The following WWOX variants were observed in gnomAD, a reference collection of about 807,000 sequenced individuals.
WWOX encodes the protein WW domain containing oxidoreductase.
Under a neutral mutation model 46.2 loss-of-function variants are expected in WWOX, and 69 were observed. The ratio of observed to expected loss-of-function variants is 1.49; its 90% confidence interval spans 1.23 to 1.82. The LOEUF (loss-of-function observed/expected upper bound fraction) is 1.82, where lower values mean the gene tolerates loss of function less well. Ranked by LOEUF, WWOX falls within the 40% of genes most tolerant of loss-of-function variation. The pLI is 0.00. For synonymous variants in WWOX, 359 were observed against 202.6 expected (o/e 1.77, Z -6.56); for missense variants, 919 against 542.6 (o/e 1.69, Z -6.89).
chr16:78,543,442 T>C (rs1382412975), intron 8 of WWOX, among the ~76,000 whole-genome samples: 1 of 152,196 alleles, frequency 6.6e-6, no homozygotes, highest in East Asian at 1.9e-4. Flanking sequence ...TATTGTTGGT[T>C]GATAAAGTCA....
intron 8 of WWOX, among the ~76,000 whole-genome samples, chr16:78,489,558 A>T (rs1044404841): frequency 1.3e-5 from 2 of 152,128 alleles, no homozygotes; most frequent in Non-Finnish European, 2.9e-5. Context: ...CGTAACACAA[A>T]TGTTACATGT....
Position 79,076,717 on chromosome 16 carries a change from T to C in WWOX, c.1057-134891T>C, listed in dbSNP as rs548646803. On this transcript the variant is annotated intron_variant, in intron 8 of 8. Transcript: ENST00000566780. ...TCTTTAGCCCCCCACTTAGGTGTTATGTGACTGTGGTCGGGTTATTGGTAA... is the reference window on the plus strand; with the variant it reads ...TCTTTAGCCCCCCACTTAGGTGTTACGTGACTGTGGTCGGGTTATTGGTAA... 6.6e-5 allele frequency among the ~76,000 whole-genome samples: 10 copies of C among 152,354 alleles called. No homozygotes were observed. In the South Asian group the frequency reaches 1.9e-3, roughly 28 times the overall value.
intron 8 of WWOX, among the ~76,000 whole-genome samples, chr16:79,151,942 T>C (rs1567584518): frequency 2.0e-5 from 3 of 152,190 alleles, no homozygotes; most frequent in Non-Finnish European, 2.9e-5. Flanking sequence ...TAGCCGAGGA[T>C]ATCTGGGCTC....
At chr16:79,074,408 C>CTTTT (rs1186773193) in intron 8 of WWOX, among the ~76,000 whole-genome samples, 1 of 63,570 alleles carries the variant, frequency 1.6e-5, no homozygotes. Flanking sequence ...TGTCACTAGT[C>CTTTT]CTTTTTTTTT....
intron 8 of WWOX, among the ~76,000 whole-genome samples, chr16:78,718,915 A>T (rs904401637): frequency 6.6e-6 from 1 of 152,112 alleles, no homozygotes; most frequent in Admixed American, 6.6e-5. Context: ...CTCATGACCT[A>T]AAGAACATGG....
intron 8 of WWOX, among the ~76,000 whole-genome samples, chr16:78,493,995 A>C (rs972684056): frequency 2.0e-5 from 3 of 152,302 alleles, no homozygotes; most frequent in Non-Finnish European, 4.4e-5. Flanking sequence ...GAGACTGGGA[A>C]ATTTATAAAG....
chr16:78,564,374 G>A (rs1435727422), intron 8 of WWOX, among the ~76,000 whole-genome samples: 1 of 152,134 alleles, frequency 6.6e-6, no homozygotes, highest in Admixed American at 6.5e-5. Flanking sequence ...GTGAACCCTC[G>A]CTGATGCCCT....
chr16:78,735,665 T>C (rs2049074070), intron 8 of WWOX, among the ~76,000 whole-genome samples: 1 of 152,180 alleles, frequency 6.6e-6, no homozygotes, highest in Non-Finnish European at 1.5e-5. Flanking sequence ...GGCCTCTTCA[T>C]CTTCTCCTGG....
chr16:78,139,103 T>A (rs186465003), intron 4 of WWOX, among the ~76,000 whole-genome samples: 1 of 152,324 alleles, frequency 6.6e-6, no homozygotes, highest in East Asian at 1.9e-4. Context: ...GGCAAAGTCA[T>A]TGGGTCATGT....
intron 8 of WWOX, among the ~76,000 whole-genome samples, chr16:79,181,643 G>T (rs79465818): frequency 0.021 from 3,230 of 152,164 alleles, 127 homozygotes; most frequent in African/African-American, 0.073. Flanking sequence ...CAGCCTTTGG[G>T]TGGTATCCAG....
At chr16:78,850,038 C>T (rs2052402440) in intron 8 of WWOX, among the ~76,000 whole-genome samples, 1 of 151,774 alleles carries the variant, frequency 6.6e-6, no homozygotes, top group Admixed American at 6.6e-5. Context: ...TGCCATTGCA[C>T]TCCAGCCTGG....
chr16:78,932,575 T>G (rs545805290), intron 8 of WWOX, among the ~76,000 whole-genome samples: 1 of 152,236 alleles, frequency 6.6e-6, no homozygotes, highest in Non-Finnish European at 1.5e-5. Context: ...GAAATGTTCC[T>G]GGCACCGTTT....
chr16:79,047,930 C>A (rs774726936), intron 8 of WWOX, among the ~76,000 whole-genome samples: 1 of 152,006 alleles, frequency 6.6e-6, no homozygotes, highest in Admixed American at 6.6e-5. Context: ...CGAGCAATTA[C>A]CTAGCACAAA....
intron 5 of WWOX, among the ~76,000 whole-genome samples, chr16:78,325,290 T>C (rs1253089149): frequency 2.0e-5 from 3 of 152,256 alleles, no homozygotes; most frequent in African/African-American, 7.2e-5. Context: ...AAACAGCTCT[T>C]TTATGACTTT....
intron 5 of WWOX, among the ~76,000 whole-genome samples, chr16:78,168,896 C>A (rs2035060117): frequency 6.6e-6 from 1 of 152,080 alleles, no homozygotes; most frequent in Non-Finnish European, 1.5e-5. Context: ...AAATGCCCTC[C>A]TGCTGAGATG....
chr16:78,951,023 C>T (rs2046049039), intron 8 of WWOX, among the ~76,000 whole-genome samples: 1 of 152,184 alleles, frequency 6.6e-6, no homozygotes, highest in South Asian at 2.1e-4. Flanking sequence ...TCAGGCCAGA[C>T]ATTGTAGGTG....
At chr16:78,989,804 CAG>C (rs1483955903) in intron 8 of WWOX, among the ~76,000 whole-genome samples, 1 of 115,076 alleles carries the variant, frequency 8.7e-6, no homozygotes, top group Non-Finnish European at 1.9e-5. Flanking sequence ...CAAAGTGAGA[CAG>C]AGGTGGTGTG....
chr16:78,393,882 C>A lies in WWOX; in HGVS notation c.605+6934C>A, dbSNP rs187922642. 5.3e-5 allele frequency among the ~76,000 whole-genome samples: 8 copies of A among 151,706 alleles called. No individual in the cohort carries two copies. The East Asian group carries it at 1.2e-3, about 22-fold the overall frequency. On this transcript the variant is annotated intron_variant, in intron 6 of 8. Transcript: ENST00000566780. ...AAAGGTTAAAATAACGGTTTTGTAT[C>A]CTTGCTTTACTTCTTAAACATATGG...
chr16:78,511,564 C>G (rs192096895), intron 8 of WWOX, among the ~76,000 whole-genome samples: 1 of 152,188 alleles, frequency 6.6e-6, no homozygotes, highest in Non-Finnish European at 1.5e-5. Context: ...GATTACAGCA[C>G]GTCCTCACTT....
Sources: allele counts gnomAD v4.1 joint callset (sites outside exome capture counted in the v4.1 genomes callset), GRCh38; gene constraint gnomAD v4.1.1; transcripts MANE v1.5; gene names NCBI Gene and HGNC (gene_info 2026-07-23, HGNC 2026-07-21).